SH3GL2: variants seen among roughly 807,000 people sequenced by gnomAD.
SH3GL2 encodes endophilin-A1.
SH3GL2 carries 24 observed loss-of-function variants against 46.0 expected under a neutral mutation model. The ratio of observed to expected loss-of-function variants is 0.52; its 90% confidence interval spans 0.38 to 0.73. SH3GL2 has a LOEUF of 0.73. Among genes scored for constraint, SH3GL2 ranks in the 30% least tolerant of loss-of-function variants. The pLI is 0.00. For synonymous variants in SH3GL2, 196 were observed against 147.1 expected, an observed-to-expected ratio of 1.33 and a Z score of -2.40; for missense variants, 413 against 424.2, an observed-to-expected ratio of 0.97 and a Z score of 0.23.
intron 1 of SH3GL2, among the ~76,000 whole-genome samples, chr9:17,746,757 C>G (rs560838929): frequency 6.6e-6 from 1 of 152,160 alleles, no homozygotes; most frequent in Non-Finnish European, 1.5e-5. Context: ...TCCCTTAGAA[C>G]TTTCAAGAGG....
chr9:17,776,100 C>T (rs899185491), intron 3 of SH3GL2, among the ~76,000 whole-genome samples: 4 of 152,092 alleles, frequency 2.6e-5, no homozygotes, highest in African/African-American at 7.2e-5. Flanking sequence ...GGCAGAATCA[C>T]CCCTCATCCT....
intron 1 of SH3GL2, among the ~76,000 whole-genome samples, chr9:17,683,283 G>C (rs1390039215): frequency 1.3e-5 from 2 of 152,060 alleles, no homozygotes; most frequent in Non-Finnish European, 2.9e-5. Context: ...GGGAACACTG[G>C]GGGCAAGGCA....
intron 1 of SH3GL2, among the ~76,000 whole-genome samples, chr9:17,733,215 T>G (rs10810840): frequency 0.26 from 39,635 of 152,024 alleles, 6,303 homozygotes; most frequent in East Asian, 0.5. Flanking sequence ...AGACTGCATA[T>G]GCTAATGAAT....
chr9:17,617,599 G>A (rs1819033478), intron 1 of SH3GL2, among the ~76,000 whole-genome samples: 1 of 152,216 alleles, frequency 6.6e-6, no homozygotes, highest in African/African-American at 2.4e-5. Context: ...CATATTTGAA[G>A]ATGCCTGTTA....
At chr9:17,772,041 C>T (rs1823496739) in intron 3 of SH3GL2, among the ~76,000 whole-genome samples, 1 of 152,148 alleles carries the variant, frequency 6.6e-6, no homozygotes, top group Non-Finnish European at 1.5e-5. Context: ...GTGTGCAAAA[C>T]AGCAGAGCAC....
chr9:17,647,137 G>A (rs572808560), intron 1 of SH3GL2, among the ~76,000 whole-genome samples: 3 of 152,288 alleles, frequency 2.0e-5, no homozygotes, highest in African/African-American at 7.2e-5. Flanking sequence ...AAATTCTTGT[G>A]TTCTAATGAT....
chr9:17,606,759 T>C (rs1398736871), intron 1 of SH3GL2, among the ~76,000 whole-genome samples: 2 of 152,328 alleles, frequency 1.3e-5, no homozygotes, highest in Admixed American at 1.3e-4. Context: ...AACTTAATGT[T>C]AGTTGTTCCA....
At chr9:17,763,515 C>T (rs1038209765) in intron 3 of SH3GL2, among the ~76,000 whole-genome samples, 6 of 152,066 alleles carry the variant, frequency 3.9e-5, no homozygotes, top group South Asian at 4.1e-4. Context: ...TTACACGTCA[C>T]GAGCAAAGGA....
intron 1 of SH3GL2, among the ~76,000 whole-genome samples, chr9:17,693,171 T>A (rs1563815107): frequency 6.6e-6 from 1 of 152,152 alleles, no homozygotes; most frequent in Non-Finnish European, 1.5e-5. Flanking sequence ...TATACTAATA[T>A]TGATAGTGGG....
At chr9:17,746,942 C>T (rs1822706426) in intron 1 of SH3GL2, 124 bp from the exon 2 acceptor site, 1 of 646,574 alleles carries the variant, frequency 1.5e-6, no homozygotes. Context: ...TGAGACTCTC[C>T]ACCTAAGTCA....
chr9:17,675,496 T>G (rs947032744), intron 1 of SH3GL2, among the ~76,000 whole-genome samples: 2 of 152,194 alleles, frequency 1.3e-5, no homozygotes, highest in Non-Finnish European at 2.9e-5. Flanking sequence ...AAGAATGCAT[T>G]GATTACAAAA....
rs1824054930 is a variant in SH3GL2 at position 17,789,300 on chromosome 9, TTGGAAGTTAA to T, written c.466-87_466-78del. On this transcript the variant is annotated intron_variant, in intron 5 of 8. Transcript: ENST00000380607. ...ATTTTAAAACTTAGCCTATCTTAATTTGGAAGTTAATGGACGTGATGGAGAAGTGAGCTCA... is the reference window on the plus strand; with the variant it reads ...ATTTTAAAACTTAGCCTATCTTAATTTGGACGTGATGGAGAAGTGAGCTCA... 21 of 1,017,896 alleles carry T rather than the reference TTGGAAGTTAA, an allele frequency of 2.1e-5. No individual in the cohort carries two copies. In the South Asian group the frequency reaches 3.2e-4, roughly 16 times the overall value. The allele number at this position is 1,017,896 out of a possible 1,614,324, so 63.1% of individuals were successfully genotyped here. A position where few individuals can be genotyped will look rare whatever the true frequency, so the allele number is the denominator to read the frequency against.
chr9:17,741,273 C>A (rs1163311625), intron 1 of SH3GL2, among the ~76,000 whole-genome samples: 2 of 152,088 alleles, frequency 1.3e-5, no homozygotes, highest in Admixed American at 1.3e-4. Context: ...GGTATACACA[C>A]AAAAACACAT....
chr9:17,781,406 G>A (rs565393014), intron 3 of SH3GL2, among the ~76,000 whole-genome samples: 11 of 143,152 alleles, frequency 7.7e-5, no homozygotes, highest in South Asian at 2.4e-4. Flanking sequence ...AGTAGGTTGC[G>A]AAAATTTTCT....
At chr9:17,734,132 C>T (rs12236520) in intron 1 of SH3GL2, among the ~76,000 whole-genome samples, 30,037 of 152,008 alleles carry the variant, frequency 0.2, 3,452 homozygotes, top group East Asian at 0.38. Flanking sequence ...AACAGGTGCC[C>T]GCAGGCACAT....
At chr9:17,640,877 G>C (rs1306684693) in intron 1 of SH3GL2, among the ~76,000 whole-genome samples, 1 of 152,012 alleles carries the variant, frequency 6.6e-6, no homozygotes, top group Admixed American at 6.6e-5. Context: ...GCCTAATGTA[G>C]CATAATAGTT....
chr9:17,590,525 C>G (rs997492029), intron 1 of SH3GL2: 2 of 152,102 alleles, frequency 1.3e-5, no homozygotes, highest in Non-Finnish European at 2.9e-5. Context: ...CCATTATGCT[C>G]TATGTATTTT....
intron 1 of SH3GL2, among the ~76,000 whole-genome samples, chr9:17,614,583 C>G (rs1818943945): frequency 6.6e-6 from 1 of 152,120 alleles, no homozygotes; most frequent in African/African-American, 2.4e-5. Context: ...ATGAGAACTT[C>G]CATGTGTCAG....
intron 1 of SH3GL2, among the ~76,000 whole-genome samples, chr9:17,724,856 C>T (rs537769516): frequency 1.3e-5 from 2 of 152,252 alleles, no homozygotes; most frequent in East Asian, 1.9e-4. Flanking sequence ...GTAGGAGTCA[C>T]CCCTGGGTCT....
Sources: gnomAD v4.1 joint callset for allele counts (sites outside exome capture counted in the v4.1 genomes callset) on GRCh38, gnomAD v4.1.1 for gene constraint, MANE v1.5 for transcripts, NCBI Gene and HGNC (gene_info 2026-07-23, HGNC 2026-07-21) for gene names.